The following UBE2Q2 variants were observed in gnomAD, a reference collection of about 807,000 sequenced individuals.
UBE2Q2 encodes ubiquitin conjugating enzyme E2 Q2, also known as ubiquitin-conjugating enzyme E2 Q2.
In UBE2Q2, 54 loss-of-function variants were observed where a neutral mutation model predicts 59.9. That is an observed-to-expected ratio of 0.90 (90% CI 0.72 to 1.13). The LOEUF is 1.13. Ranked by LOEUF, UBE2Q2 falls within the 50% of genes most tolerant of loss-of-function variation. The probability of loss-of-function intolerance (pLI) is 0.00; values close to 1 mark genes in which losing one functional copy is unlikely to be tolerated. For synonymous variants in UBE2Q2, 165 were observed against 155.2 expected, an observed-to-expected ratio of 1.06 and a Z score of -0.47; for missense variants, 433 against 441.9, an observed-to-expected ratio of 0.98 and a Z score of 0.18.
intron 3 of UBE2Q2, among the ~76,000 whole-genome samples, chr15:75,865,424 G>A (rs1381093884): frequency 1.3e-5 from 2 of 152,140 alleles, no homozygotes; most frequent in African/African-American, 4.8e-5. Flanking sequence ...CCCCTTGACT[G>A]GATACAGACA....
intron 1 of UBE2Q2, among the ~76,000 whole-genome samples, chr15:75,846,326 C>T (rs527438252): frequency 3.3e-4 from 50 of 152,168 alleles, no homozygotes; most frequent in Non-Finnish European, 5.7e-4. Flanking sequence ...CAACCTCCGC[C>T]TCCCAGGTTC....
chr15:75,861,321 C>T (rs192439982), intron 3 of UBE2Q2, among the ~76,000 whole-genome samples: 27 of 152,310 alleles, frequency 1.8e-4, no homozygotes, highest in Non-Finnish European at 3.8e-4. Flanking sequence ...TCTAACCAGT[C>T]GTGGTGGTGA....
chr15:75,870,894 C>T (rs1014515556), intron 4 of UBE2Q2, among the ~76,000 whole-genome samples: 19 of 152,096 alleles, frequency 1.2e-4, no homozygotes, highest in Non-Finnish European at 2.4e-4. Context: ...GGGTGTTTCT[C>T]GTTAGGTGGA....
intron 1 of UBE2Q2, among the ~76,000 whole-genome samples, chr15:75,844,752 C>G (rs1328969926): frequency 2.6e-5 from 4 of 152,174 alleles, no homozygotes; most frequent in African/African-American, 9.6e-5. Flanking sequence ...TTGGTCCAAA[C>G]TGCAGAATAT....
At chr15:75,888,606 G>C (rs1249176158) in intron 9 of UBE2Q2, among the ~76,000 whole-genome samples, 1 of 152,172 alleles carries the variant, frequency 6.6e-6, no homozygotes, top group Admixed American at 6.5e-5. Flanking sequence ...AGAGCAGTAA[G>C]AATTTGGAAC....
intron 11 of UBE2Q2, among the ~76,000 whole-genome samples, chr15:75,896,043 C>T (rs555678085): frequency 6.6e-6 from 1 of 151,198 alleles, no homozygotes; most frequent in African/African-American, 2.5e-5. Context: ...ATGTTCTATA[C>T]TGATAAGGAA....
At chr15:75,889,066 G>T (rs549357809) in intron 9 of UBE2Q2, among the ~76,000 whole-genome samples, 1 of 152,162 alleles carries the variant, frequency 6.6e-6, no homozygotes, top group African/African-American at 2.4e-5. Context: ...TGAGTACCTG[G>T]ATCTTCTAAT....
chr15:75,855,332 CAT>C (rs1354394987), intron 2 of UBE2Q2, among the ~76,000 whole-genome samples: 11 of 151,852 alleles, frequency 7.2e-5, no homozygotes, highest in Admixed American at 3.3e-4. Flanking sequence ...CTCTGCTAAA[CAT>C]ATAAAAATTA....
intron 9 of UBE2Q2, among the ~76,000 whole-genome samples, chr15:75,889,729 T>G (rs1898989892): frequency 6.6e-6 from 1 of 152,244 alleles, no homozygotes; most frequent in African/African-American, 2.4e-5. Context: ...CCCTTGATTT[T>G]TTAAGGCATG....
At chr15:75,887,060 C>A (rs765582583) in intron 9 of UBE2Q2, among the ~76,000 whole-genome samples, 1 of 151,766 alleles carries the variant, frequency 6.6e-6, no homozygotes, top group South Asian at 2.1e-4. Flanking sequence ...TTAATTGATT[C>A]TTTTTTGCCA....
Position 75,873,481 on chromosome 15 carries a change from G to A in UBE2Q2, c.501G>A (p.Gly167=), listed in dbSNP as rs779599112. 2 of 1,613,668 alleles carry A rather than the reference G, an allele frequency of 1.2e-6. No individual in the cohort carries two copies. The highest frequency in any genetic ancestry group is 1.7e-6 in the Non-Finnish European group (2 of 1,179,896). The change falls in exon 5 of 13, where the codon GGG becomes GGA. Residue 167 remains glycine, a synonymous_variant. Coordinates refer to ENST00000267938, the MANE Select transcript of UBE2Q2 (RefSeq NM_173469.4). The stretch of plus-strand genomic sequence containing the variant: ...TGAAGGAAGAAGAGCCTATTAGTGG[G>A]AAAAAGTCAGAGGATGAAGGAATTG... The part of the protein sequence containing the change: ...YEMKEEEPIS[G]KKSEDEGIEK...
At chr15:75,873,298 T>C (rs1897892762) in intron 4 of UBE2Q2, 130 bp from the exon 5 acceptor site, 1 of 749,588 alleles carries the variant, frequency 1.3e-6, no homozygotes, top group Admixed American at 3.6e-5. Context: ...TTTTTCTCTC[T>C]CCCTATAGGA....
rs58030547 is a variant in UBE2Q2, at chr15:75,896,235, G to A, written c.1030-760G>A. On this transcript the variant is annotated intron_variant, in intron 11 of 12. Coordinates refer to ENST00000267938, the MANE Select transcript of UBE2Q2 (RefSeq NM_173469.4). The stretch of plus-strand genomic sequence containing the variant: ...CTTGTGTGGAGGAAGGGGGATGAAC[G>A]GGAGGAAACTGGGTGTTCAGGGCAC... 4.3e-3 allele frequency among the ~76,000 whole-genome samples: 648 copies of A among 152,264 alleles called. 5 individuals are homozygous for A. The highest frequency in any genetic ancestry group is 0.015 in the African/African-American group (609 of 41,556).
chr15:75,857,405 T>A (rs1001388748), intron 2 of UBE2Q2, among the ~76,000 whole-genome samples: 3 of 152,212 alleles, frequency 2.0e-5, no homozygotes, highest in Non-Finnish European at 2.9e-5. Flanking sequence ...CCTAGTTTTT[T>A]AAAAGTGAAT....
chr15:75,856,269 G>GTGTGTGTGTGTGTGTA (rs1256142539), intron 2 of UBE2Q2, among the ~76,000 whole-genome samples: 4 of 139,286 alleles, frequency 2.9e-5, no homozygotes, highest in African/African-American at 8.2e-5. Context: ...GTGTGTGTGT[G>GTGTGTGTGTGTGTGTA]TATATATATA....
chr15:75,884,614 G>A (rs150819039), intron 9 of UBE2Q2, among the ~76,000 whole-genome samples: 331 of 152,202 alleles, frequency 2.2e-3, no homozygotes, highest in African/African-American at 7.2e-3. Context: ...TGGATATGCT[G>A]AGCTCATTTT....
rs559872307 is a variant in UBE2Q2, at chr15:75,850,652, A to G, written c.181-3734A>G. Among the ~76,000 whole-genome samples, 4 of 152,284 alleles carry G rather than the reference A, an allele frequency of 2.6e-5. No individual in the cohort carries two copies. The East Asian group carries it at 7.7e-4, about 29-fold the overall frequency. ...AGGTAGCAAAACTGGTCTCAATGGAACTATGTAAGTTAATATAGAATGGCA... is the reference window on the plus strand; with the variant it reads ...AGGTAGCAAAACTGGTCTCAATGGAGCTATGTAAGTTAATATAGAATGGCA... On this transcript the variant is annotated intron_variant, in intron 1 of 12. Transcript: ENST00000267938.
intron 5 of UBE2Q2, 136 bp from the exon 6 acceptor site, chr15:75,876,051 C>A: frequency 1.3e-6 from 1 of 770,390 alleles, no homozygotes; most frequent in Non-Finnish European, 2.0e-6. Flanking sequence ...GGTAACAGGG[C>A]TAGACTCCAT....
chr15:75,878,073 G>A, intron 7 of UBE2Q2, 52 bp downstream of exon 7: 1 of 1,508,126 alleles, frequency 6.6e-7, no homozygotes, highest in Non-Finnish European at 9.2e-7. Context: ...GACTATCACA[G>A]TGGAGGTTAT....
Sources: allele counts gnomAD v4.1 joint callset (sites outside exome capture counted in the v4.1 genomes callset), GRCh38; gene constraint gnomAD v4.1.1; transcripts MANE v1.5; gene names NCBI Gene and HGNC (gene_info 2026-07-23, HGNC 2026-07-21).